Variants in NPAS2 observed in about 807,000 individuals in gnomAD.
NPAS2 encodes the protein neuronal PAS domain protein 2.
In NPAS2, 23 loss-of-function variants were observed where a neutral mutation model predicts 107.5. The observed-to-expected ratio is 0.21, with a 90% CI of 0.15 to 0.30. The LOEUF (loss-of-function observed/expected upper bound fraction) is 0.30. Among genes scored for constraint, NPAS2 ranks in the 10% least tolerant of loss-of-function variants. The pLI, the probability that NPAS2 is intolerant of heterozygous loss-of-function variation, is 1.00. For missense variants in NPAS2, 756 were observed against 1,043.3 expected (o/e 0.72, Z 3.79); for synonymous variants, 403 against 417.5 (o/e 0.97, Z 0.42).
intron 1 of NPAS2, among the ~76,000 whole-genome samples, chr2:100,835,196 CG>C (rs2104388955): frequency 6.6e-6 from 1 of 152,212 alleles, no homozygotes; most frequent in African/African-American, 2.4e-5. Context: ...TACAGGCCAC[CG>C]GGGCGCAGAT....
At chr2:100,946,429 G>T (rs1048301570) in intron 5 of NPAS2, among the ~76,000 whole-genome samples, 3 of 152,198 alleles carry the variant, frequency 2.0e-5, no homozygotes, top group Admixed American at 6.5e-5. Flanking sequence ...ACAGGGCTTC[G>T]TTAAACACAA....
Position 100,965,795 on chromosome 2 carries a change from G to C in NPAS2, c.907+29G>C. 1 of 1,119,172 alleles carries C rather than the reference G, an allele frequency of 8.9e-7. No homozygotes were observed. Among genetic ancestry groups the C allele is most frequent in the Non-Finnish European group, 1.1e-6 (1 of 886,256 alleles). 69.3% of individuals were successfully genotyped at this position (1,119,172 alleles called of 1,614,324 possible). A position where few individuals can be genotyped will look rare whatever the true frequency, so the allele number is the denominator to read the frequency against. On this transcript the variant is annotated intron_variant, in intron 10 of 20. Coordinates refer to ENST00000335681, the MANE Select transcript of NPAS2 (RefSeq NM_002518.4). The surrounding 1 kb of genome is among the most constrained non-coding windows in gnomAD (Gnocchi z 4.3). ...AGTACCACTGCCCAGCCCAGGCATG[G>C]GGGCCTTGCGTTCACTCCACTGGGG...
intron 1 of NPAS2, among the ~76,000 whole-genome samples, chr2:100,867,142 C>T (rs879104515): frequency 3.9e-5 from 6 of 152,146 alleles, no homozygotes; most frequent in East Asian, 1.9e-4. Flanking sequence ...TTGTTTGTTG[C>T]GTGCTTGAAG....
Position 100,829,980 on chromosome 2 carries a change from C to CA in NPAS2, c.-23+9570dup, listed in dbSNP as rs1239477300. On this transcript the variant is annotated intron_variant, in intron 1 of 20. Coordinates refer to ENST00000335681, the MANE Select transcript of NPAS2 (RefSeq NM_002518.4). ...AATAGGAAAGGAAAAGGCAAGATGACAAAAGAAAAAACCTTCTCAGAGTCA... is the reference window on the plus strand; with the variant it reads ...AATAGGAAAGGAAAAGGCAAGATGACAAAAAGAAAAAACCTTCTCAGAGTCA... Among the ~76,000 whole-genome samples the CA allele has an allele frequency of 9.2e-5, 14 of 151,836 alleles. No individual in the cohort carries two copies. The South Asian group carries it at 1.3e-3, about 14-fold the overall frequency.
intron 2 of NPAS2, among the ~76,000 whole-genome samples, chr2:100,919,058 T>C (rs1347976579): frequency 6.6e-6 from 1 of 152,250 alleles, no homozygotes; most frequent in African/African-American, 2.4e-5. Flanking sequence ...TACTCACCAA[T>C]GAGAAGGCAC....
intron 1 of NPAS2, among the ~76,000 whole-genome samples, chr2:100,880,384 A>T (rs1680255672): frequency 6.6e-6 from 1 of 152,230 alleles, no homozygotes; most frequent in Admixed American, 6.5e-5. Flanking sequence ...CGACCCAAGC[A>T]CCCATCAGTG....
Position 100,919,901 on chromosome 2 carries a change from G to A in NPAS2, c.33-5245G>A, listed in dbSNP as rs1042759257. Among the ~76,000 whole-genome samples the A allele has an allele frequency of 3.3e-5, 5 of 152,184 alleles. No homozygotes were observed. In the East Asian group the frequency reaches 9.7e-4, roughly 29 times the overall value. On this transcript the variant is annotated intron_variant, in intron 2 of 20. Transcript: ENST00000335681. ...TGGCGATTCGTTGGAACTTCTCACC[G>A]GGCAGTATTGTATTGCACCCCCTAT...
intron 7 of NPAS2, among the ~76,000 whole-genome samples, chr2:100,963,752 A>G (rs1292014406): frequency 1.3e-5 from 2 of 152,228 alleles, no homozygotes; most frequent in African/African-American, 4.8e-5. Flanking sequence ...TCCCAGCATT[A>G]TAAGCCATAG....
intron 16 of NPAS2, 56 bp downstream of exon 16, chr2:100,982,433 G>A (rs1380670539): frequency 1.3e-6 from 2 of 1,589,640 alleles, no homozygotes; most frequent in Admixed American, 3.4e-5. Flanking sequence ...AAGGGGTCCT[G>A]CCGCCATTTC....
chr2:100,976,949 C>A lies in NPAS2; in HGVS notation c.1393-761C>A, dbSNP rs1049735879. 1 of 152,020 alleles carries A rather than the reference C, an allele frequency of 6.6e-6. No homozygotes were observed. Among genetic ancestry groups the A allele is most frequent in the Non-Finnish European group, 1.5e-5 (1 of 68,028 alleles). 9.4% of individuals were successfully genotyped at this position (152,020 alleles called of 1,614,324 possible). The stretch of plus-strand genomic sequence containing the variant: ...TTCCTCCCAATGCTGTCCTGGGTGA[C>A]ACTTTCCATTTGAGCTGCTTTTTTA... On this transcript the variant is annotated intron_variant, in intron 14 of 20. Coordinates refer to ENST00000335681, the MANE Select transcript of NPAS2 (RefSeq NM_002518.4). This position sits in a 1 kb window ranked among gnomAD's most constrained non-coding sequence, Gnocchi z 4.1.
Position 100,878,217 on chromosome 2 carries a change from G to A in NPAS2, c.-22-26516G>A, listed in dbSNP as rs1169896491. The A allele has an allele frequency of 9.1e-6, 9 of 985,286 alleles. 1 individual carries two copies. The highest frequency in any genetic ancestry group is 1.7e-5 in the African/African-American group (1 of 57,212). 61.0% of individuals were successfully genotyped at this position (985,286 alleles called of 1,614,324 possible). On this transcript the variant is annotated intron_variant, in intron 1 of 20. Coordinates refer to ENST00000335681, the MANE Select transcript of NPAS2 (RefSeq NM_002518.4). Reference sequence around the variant, plus strand: ...CAGTGGCCCTGGCTCCAGATGCTAGGGAAAGCTGGGCAGAAGGCAAAAAAA... The same window carrying A: ...CAGTGGCCCTGGCTCCAGATGCTAGAGAAAGCTGGGCAGAAGGCAAAAAAA...
At position 100,820,955 on chromosome 2, in the gene NPAS2, C is replaced by T. The variant is rs1558778005; in HGVS notation, c.-23+541C>T. 2 of 1,023,114 alleles carry T rather than the reference C, an allele frequency of 2.0e-6. No individual in the cohort carries two copies. Among genetic ancestry groups the T allele is most frequent in the Non-Finnish European group, 2.6e-6 (2 of 763,390 alleles). The allele number at this position is 1,023,114 out of a possible 1,614,324, so 63.4% of individuals were successfully genotyped here. A position where few individuals can be genotyped will look rare whatever the true frequency, so the allele number is the denominator to read the frequency against. ...TCGGTGCCCCCAACCCCCGTGTGCG[C>T]AGACAGCGTGCAGCCTGGCTCCTCA... On this transcript the variant is annotated intron_variant, in intron 1 of 20. Coordinates refer to ENST00000335681, the MANE Select transcript of NPAS2 (RefSeq NM_002518.4). The surrounding 1 kb of genome is among the most constrained non-coding windows in gnomAD (Gnocchi z 5.6).
chr2:100,941,697 G>T (rs139126089), intron 5 of NPAS2, among the ~76,000 whole-genome samples: 4 of 152,326 alleles, frequency 2.6e-5, no homozygotes, highest in African/African-American at 9.6e-5. Context: ...GCTCACGGGA[G>T]CCTCTGGAAT....
intron 19 of NPAS2, among the ~76,000 whole-genome samples, chr2:100,991,268 G>T (rs780766393): frequency 6.6e-6 from 1 of 152,022 alleles, no homozygotes; most frequent in Admixed American, 6.5e-5. Context: ...CACCGTGCTC[G>T]GGCCCGTCTC....
chr2:100,930,223 T>A (rs1422199706), intron 3 of NPAS2, among the ~76,000 whole-genome samples: 2 of 152,170 alleles, frequency 1.3e-5, no homozygotes, highest in Non-Finnish European at 2.9e-5. Context: ...CATTCACACT[T>A]CTTTAATGTG....
At chr2:100,845,752 G>A (rs1404196476) in intron 1 of NPAS2, among the ~76,000 whole-genome samples, 1 of 152,184 alleles carries the variant, frequency 6.6e-6, no homozygotes, top group African/African-American at 2.4e-5. Context: ...GTTTTATTGG[G>A]CAAGGCAGCT....
intron 2 of NPAS2, among the ~76,000 whole-genome samples, chr2:100,916,497 A>G (rs1020632173): frequency 4.6e-5 from 7 of 152,200 alleles, no homozygotes; most frequent in African/African-American, 1.7e-4. Context: ...AAAGAAATTT[A>G]CTAGGAATAA....
chr2:100,993,221 C>A, intron 19 of NPAS2, 126 bp from the exon 20 acceptor site: 1 of 858,582 alleles, frequency 1.2e-6, no homozygotes, highest in East Asian at 2.9e-5. Flanking sequence ...GCATGAGCCA[C>A]CGCGCCTGGC....
rs148858132 is a variant in NPAS2 at position 100,965,744 on chromosome 2, C to T, written c.885C>T (p.Leu295=). The T allele has an allele frequency of 5.5e-5, 88 of 1,613,404 alleles. No homozygotes were observed. In the African/African-American group the frequency reaches 1.1e-3, roughly 19 times the overall value. ...YDYYHIDDLE[L]LARCHQHLMQ... The stretch of plus-strand genomic sequence containing the variant: ...ACTACCACATTGATGACCTGGAGCT[C>T]CTGGCCAGGTGTCACCAGCACCGTG... Residue 295 remains leucine (L), a synonymous_variant, in exon 10 of 21, where the codon CTC becomes CTT. Transcript: ENST00000335681. This position sits in a 1 kb window ranked among gnomAD's most constrained non-coding sequence, Gnocchi z 4.3.
Sources: gnomAD v4.1 joint callset for allele counts (sites outside exome capture counted in the v4.1 genomes callset) on GRCh38, gnomAD v4.1.1 for gene constraint, Gnocchi (gnomAD v3.1) non-coding constraint, MANE v1.5 for transcripts, NCBI Gene and HGNC (gene_info 2026-07-23, HGNC 2026-07-21) for gene names.